The following CPA6 variants were observed in gnomAD, a reference collection of about 807,000 sequenced individuals.
CPA6 encodes the protein carboxypeptidase B.
A neutral mutation model predicts 63.3 loss-of-function variants in CPA6; 58 were observed. The observed-to-expected ratio is 0.92, with a 90% CI of 0.74 to 1.14. The LOEUF (loss-of-function observed/expected upper bound fraction) is 1.14. Ranked by LOEUF, CPA6 falls within the 50% of genes most tolerant of loss-of-function variation. CPA6 has a pLI of 0.00. For synonymous variants in CPA6, 185 were observed against 179.0 expected, an observed-to-expected ratio of 1.03 and a Z score of -0.27; for missense variants, 565 against 526.6, an observed-to-expected ratio of 1.07 and a Z score of -0.71.
intron 9 of CPA6, among the ~76,000 whole-genome samples, chr8:67,429,213 A>G (rs1809964732): frequency 1.3e-5 from 2 of 152,216 alleles, no homozygotes; most frequent in Admixed American, 1.3e-4. Flanking sequence ...AAAAATTAGG[A>G]AAAATATTCA....
intron 2 of CPA6, among the ~76,000 whole-genome samples, chr8:67,612,578 C>A (rs1470401754): frequency 6.6e-6 from 1 of 152,256 alleles, no homozygotes; most frequent in African/African-American, 2.4e-5. Context: ...AGAAGAAACA[C>A]TGATGATCAG....
intron 1 of CPA6, among the ~76,000 whole-genome samples, chr8:67,736,538 C>T (rs1310203354): frequency 6.6e-6 from 1 of 152,166 alleles, no homozygotes; most frequent in Non-Finnish European, 1.5e-5. Context: ...CCTTATTTTC[C>T]TTTAACTGAC....
chr8:67,589,792 C>T (rs947625012), intron 2 of CPA6, among the ~76,000 whole-genome samples: 1 of 152,086 alleles, frequency 6.6e-6, no homozygotes, highest in Admixed American at 6.5e-5. Context: ...TAGGCACACT[C>T]TCCTTTGTCA....
rs527623570 is a variant in CPA6, at chr8:67,714,516, T to C, written c.116+31498A>G. Among the ~76,000 whole-genome samples, 10 of 152,218 alleles carry C rather than the reference T, an allele frequency of 6.6e-5. No homozygotes were observed. In the East Asian group the frequency reaches 1.7e-3, roughly 26 times the overall value. Reference sequence around the variant, plus strand: ...CAGGAGGTTTGCTTGAGCCCAATCATAGGGAGACCCTGTCTCTAGAAAAGT... The same window carrying C: ...CAGGAGGTTTGCTTGAGCCCAATCACAGGGAGACCCTGTCTCTAGAAAAGT... On this transcript the variant is annotated intron_variant, in intron 1 of 10. Coordinates refer to ENST00000297770, the MANE Select transcript of CPA6 (RefSeq NM_020361.5).
chr8:67,718,582 T>C (rs1194642159), intron 1 of CPA6, among the ~76,000 whole-genome samples: 1 of 152,146 alleles, frequency 6.6e-6, no homozygotes, highest in Non-Finnish European at 1.5e-5. Flanking sequence ...TCTGGACTGA[T>C]ACCTTTCCCT....
At chr8:67,721,445 G>T (rs551544129) in intron 1 of CPA6, among the ~76,000 whole-genome samples, 40 of 152,238 alleles carry the variant, frequency 2.6e-4, no homozygotes, top group African/African-American at 8.7e-4. Flanking sequence ...AAGAAGCAGA[G>T]GAATATACAA....
intron 6 of CPA6, among the ~76,000 whole-genome samples, chr8:67,496,377 G>A (rs114158279): frequency 7.3e-5 from 11 of 151,598 alleles, no homozygotes; most frequent in African/African-American, 2.4e-4. Flanking sequence ...TCTTCTGAGG[G>A]AATGCTATTT....
chr8:67,549,737 T>A (rs1812899780), intron 2 of CPA6, among the ~76,000 whole-genome samples: 1 of 152,232 alleles, frequency 6.6e-6, no homozygotes, highest in South Asian at 2.1e-4. Flanking sequence ...CATACAGTAT[T>A]TTTTCCTCTG....
At chr8:67,585,807 G>A (rs1411886664) in intron 2 of CPA6, among the ~76,000 whole-genome samples, 3 of 152,086 alleles carry the variant, frequency 2.0e-5, no homozygotes, top group Admixed American at 6.6e-5. Flanking sequence ...GATATTTGAC[G>A]AGGAGAGTGA....
At chr8:67,580,128 GA>G (rs1420626455) in intron 2 of CPA6, among the ~76,000 whole-genome samples, 1 of 152,156 alleles carries the variant, frequency 6.6e-6, no homozygotes, top group Non-Finnish European at 1.5e-5. Flanking sequence ...ACAAAGGGAA[GA>G]AAAACTCTCT....
At chr8:67,660,370 C>A (rs986147211) in intron 1 of CPA6, among the ~76,000 whole-genome samples, 12 of 122,340 alleles carry the variant, frequency 9.8e-5, no homozygotes, top group African/African-American at 4.1e-4. Context: ...CACTCTGTCA[C>A]CCAAGCTGGA....
intron 1 of CPA6, among the ~76,000 whole-genome samples, chr8:67,640,760 C>G (rs575015352): frequency 6.6e-6 from 1 of 151,672 alleles, no homozygotes; most frequent in Non-Finnish European, 1.5e-5. Flanking sequence ...AGCTCCTGCC[C>G]ACTCTGTGGA....
At chr8:67,489,581 T>A (rs963975448) in intron 6 of CPA6, among the ~76,000 whole-genome samples, 9 of 152,230 alleles carry the variant, frequency 5.9e-5, no homozygotes, top group Admixed American at 6.5e-5. Context: ...GATTATTTGG[T>A]ATTTGTTGAT....
chr8:67,483,997 A>G, intron 7 of CPA6, 139 bp from the exon 8 acceptor site: 1 of 701,760 alleles, frequency 1.4e-6, no homozygotes, highest in Non-Finnish European at 2.4e-6. Flanking sequence ...AGGGAGTGAA[A>G]AAGAGCACTG....
rs1221229494 is a variant in CPA6, at chr8:67,532,446, G to A, written c.193-14399C>T. Among the ~76,000 whole-genome samples the A allele has an allele frequency of 2.0e-5, 3 of 152,268 alleles. No homozygotes were observed. The East Asian group carries it at 5.8e-4, about 29-fold the overall frequency. ...TAGTCCCAACAATTTGGGAGGCTGAGGCAGGCAATTACTTGAGCCCAGGAG... is the reference window on the plus strand; with the variant it reads ...TAGTCCCAACAATTTGGGAGGCTGAAGCAGGCAATTACTTGAGCCCAGGAG... On this transcript the variant is annotated intron_variant, in intron 2 of 10. Coordinates refer to ENST00000297770, the MANE Select transcript of CPA6 (RefSeq NM_020361.5).
At chr8:67,518,108 C>T (rs749359415) in intron 2 of CPA6, 61 bp from the exon 3 acceptor site, 4 of 1,439,776 alleles carry the variant, frequency 2.8e-6, no homozygotes, top group Admixed American at 2.5e-5. Flanking sequence ...ATCTGTGTCA[C>T]AATGTCAAAC....
chr8:67,595,550 C>T (rs1446891140), intron 2 of CPA6, among the ~76,000 whole-genome samples: 1 of 152,242 alleles, frequency 6.6e-6, no homozygotes, highest in African/African-American at 2.4e-5. Flanking sequence ...TTCGAGCTTC[C>T]CGGCTGCTTT....
chr8:67,615,774 G>A (rs1814929187), intron 2 of CPA6, among the ~76,000 whole-genome samples: 1 of 152,224 alleles, frequency 6.6e-6, no homozygotes, highest in Non-Finnish European at 1.5e-5. Context: ...GGATATAGAT[G>A]TTAGGGTCTA....
intron 2 of CPA6, among the ~76,000 whole-genome samples, chr8:67,523,254 C>T (rs994061596): frequency 3.3e-5 from 5 of 152,244 alleles, no homozygotes; most frequent in East Asian, 3.9e-4. Flanking sequence ...GTGGGCTGGC[C>T]GTGGTGGCTC....
Sources: allele counts gnomAD v4.1 joint callset (sites outside exome capture counted in the v4.1 genomes callset), GRCh38; gene constraint gnomAD v4.1.1; transcripts MANE v1.5; gene names NCBI Gene and HGNC (gene_info 2026-07-23, HGNC 2026-07-21).